Variants in KLHL4 observed in about 807,000 individuals in gnomAD.
The protein encoded by KLHL4 is kelch-like protein 4.
Under a neutral mutation model 45.8 loss-of-function variants are expected in KLHL4, and 17 were observed. The ratio of observed to expected loss-of-function variants is 0.37; its 90% CI spans 0.25 to 0.56. KLHL4 has a LOEUF of 0.56. Ranked by LOEUF, KLHL4 falls within the 20% of genes least tolerant of loss-of-function variation. The pLI is 0.79. For synonymous variants in KLHL4, 224 were observed against 189.9 expected, an observed-to-expected ratio of 1.18 and a Z score of -1.47; for missense variants, 544 against 544.9, an observed-to-expected ratio of 1.00 and a Z score of 0.02.
intron 9 of KLHL4, among the ~76,000 whole-genome samples, chrX:87,653,419 C>G (rs1923883753): frequency 9.0e-6 from 1 of 111,470 alleles, no homozygotes; most frequent in Admixed American, 9.5e-5. Flanking sequence ...AAATCAAAAC[C>G]ACAATGAGAT....
chrX:87,587,150 C>CAAAAAAAAAAAAAAA (rs1197848253), intron 1 of KLHL4, among the ~76,000 whole-genome samples: 3 of 47,812 alleles, frequency 6.3e-5, no homozygotes, highest in East Asian at 7.4e-4. Context: ...TAAAATAAAG[C>CAAAAAAAAAAAAAAA]AAAAAAAAAA....
chrX:87,632,511 T>G, intron 7 of KLHL4, 77 bp downstream of exon 7: 1 of 654,338 alleles, frequency 1.5e-6, no homozygotes, highest in Non-Finnish European at 2.3e-6. Context: ...AGCAGCACAT[T>G]ATTGGGATTT....
chrX:87,617,145 G>T (rs1379374174), intron 3 of KLHL4, among the ~76,000 whole-genome samples: 1 of 110,065 alleles, frequency 9.1e-6, no homozygotes, highest in Non-Finnish European at 1.9e-5. Flanking sequence ...AATATAAACG[G>T]ACTAACTCAA....
intron 6 of KLHL4, among the ~76,000 whole-genome samples, chrX:87,626,328 T>C (rs1922926695): frequency 9.0e-6 from 1 of 111,715 alleles, no homozygotes; most frequent in South Asian, 3.7e-4. Context: ...TTGCATTCTT[T>C]TGAGCATCTG....
At chrX:87,650,025 G>T (rs1307321647) in intron 9 of KLHL4, among the ~76,000 whole-genome samples, 1 of 111,140 alleles carries the variant, frequency 9.0e-6, no homozygotes, top group East Asian at 2.8e-4. Context: ...GAGTTAGGAT[G>T]AATTTTTCTA....
rs1338817185 is a variant in KLHL4, at chrX:87,669,185, G to A, written c.*2651G>A. The A allele has an allele frequency of 1.1e-5, 12 of 1,077,587 alleles. No homozygotes were observed. Among genetic ancestry groups the A allele is most frequent in the Non-Finnish European group, 1.5e-5 (12 of 826,961 alleles). 88.8% of individuals were successfully genotyped at this position (1,077,587 alleles called of 1,213,427 possible). ...GAGTGTAAGGGCTCACACATTTACT[G>A]TACTCAGATCTGAAAGACAATGTTG... On this transcript the variant is annotated 3_prime_UTR_variant, in exon 11 of 11. Transcript: ENST00000373119.
chrX:87,543,560 G>T (rs778351609), intron 1 of KLHL4, among the ~76,000 whole-genome samples: 2 of 111,015 alleles, frequency 1.8e-5, no homozygotes, highest in East Asian at 5.8e-4. Context: ...GGGGGAGGGA[G>T]AACACGGCAA....
At chrX:87,651,433 C>A (rs778606366) in intron 9 of KLHL4, among the ~76,000 whole-genome samples, 79 of 112,345 alleles carry the variant, frequency 7.0e-4, no homozygotes, top group Non-Finnish European at 1.4e-3. Context: ...CAAGACAAGG[C>A]AAGTCCCTTC....
intron 9 of KLHL4, among the ~76,000 whole-genome samples, chrX:87,654,175 A>G (rs1291859055): frequency 1.8e-5 from 2 of 112,073 alleles, no homozygotes; most frequent in African/African-American, 6.5e-5. Context: ...ATTAGGCAGT[A>G]TAAGTACAGT....
At position 87,622,206 on chromosome X, in the gene KLHL4, T is replaced by C. The variant is rs750678627; in HGVS notation, c.925-5T>C. 8.4e-7 allele frequency: 1 copy of C among 1,184,297 alleles called. No homozygotes were observed. Among genetic ancestry groups the C allele is most frequent in the Non-Finnish European group, 1.1e-6 (1 of 871,425 alleles). ...AAGTTTTAGTAGATGACCTTTCTTT[T>C]CTAGGAACACTTCATTGAGGTAATA... On this transcript the variant is annotated splice_polypyrimidine_tract_variant and splice_region_variant and intron_variant, in intron 4 of 10. Coordinates refer to ENST00000373119, the MANE Select transcript of KLHL4 (RefSeq NM_019117.5).
intron 1 of KLHL4, among the ~76,000 whole-genome samples, chrX:87,609,330 A>G (rs1254870551): frequency 5.4e-5 from 6 of 111,982 alleles, no homozygotes; most frequent in Non-Finnish European, 9.4e-5. Flanking sequence ...TTGAGGAATC[A>G]CCACACTGAC....
chrX:87,540,009 C>T (rs1186215892), intron 1 of KLHL4, among the ~76,000 whole-genome samples: 1 of 111,606 alleles, frequency 9.0e-6, no homozygotes, highest in Non-Finnish European at 1.9e-5. Flanking sequence ...TATTACAGTA[C>T]TGAATATTGT....
intron 1 of KLHL4, among the ~76,000 whole-genome samples, chrX:87,568,897 A>G (rs141774264): frequency 0.04 from 4,438 of 111,638 alleles, 218 homozygotes; most frequent in African/African-American, 0.14. Flanking sequence ...AAACTCAAAC[A>G]TTTTCATTAC....
intron 1 of KLHL4, among the ~76,000 whole-genome samples, chrX:87,558,224 C>T (rs1240227866): frequency 9.0e-6 from 1 of 111,219 alleles, no homozygotes. Context: ...AATGCCAGTT[C>T]TGCCATTTAT....
At chrX:87,639,546 A>T (rs1231041217) in intron 9 of KLHL4, among the ~76,000 whole-genome samples, 1 of 111,551 alleles carries the variant, frequency 9.0e-6, no homozygotes, top group African/African-American at 3.3e-5. Context: ...TTGGAAATCA[A>T]CTCTAGAAGA....
chrX:87,539,284 A>T (rs1333070264), intron 1 of KLHL4, among the ~76,000 whole-genome samples: 1 of 110,854 alleles, frequency 9.0e-6, no homozygotes, highest in Non-Finnish European at 1.9e-5. Flanking sequence ...GGTAAAGAAG[A>T]CATAAAACTG....
At chrX:87,595,599 G>A (rs1205573172) in intron 1 of KLHL4, among the ~76,000 whole-genome samples, 1 of 111,557 alleles carries the variant, frequency 9.0e-6, no homozygotes, top group Admixed American at 9.6e-5. Context: ...TTGGAGGATA[G>A]AAATGTTCAT....
intron 1 of KLHL4, among the ~76,000 whole-genome samples, chrX:87,551,884 T>C (rs1266943925): frequency 9.0e-6 from 1 of 111,584 alleles, no homozygotes; most frequent in Non-Finnish European, 1.9e-5. Flanking sequence ...TCATCTCTCA[T>C]ATTCTACAAA....
At chrX:87,582,219 A>G (rs1921304114) in intron 1 of KLHL4, among the ~76,000 whole-genome samples, 1 of 111,763 alleles carries the variant, frequency 8.9e-6, no homozygotes, top group Admixed American at 9.5e-5. Context: ...CACCTTCATA[A>G]GAAACGAAAA....
Sources: allele counts gnomAD v4.1 joint callset (sites outside exome capture counted in the v4.1 genomes callset), GRCh38; gene constraint gnomAD v4.1.1; transcripts MANE v1.5; gene names NCBI Gene and HGNC (gene_info 2026-07-23, HGNC 2026-07-21).